RALGPS1: variants seen among roughly 807,000 people sequenced by gnomAD.
RALGPS1 encodes Ral GEF with PH domain and SH3 binding motif 1.
RALGPS1 carries 19 observed loss-of-function variants against 78.8 expected under a neutral mutation model. That is an observed-to-expected ratio of 0.24 (90% CI 0.17 to 0.35). The LOEUF (loss-of-function observed/expected upper bound fraction) is 0.35. Ranked by LOEUF, RALGPS1 falls within the 10% of genes least tolerant of loss-of-function variation. RALGPS1 has a pLI of 1.00. For synonymous variants in RALGPS1, 228 were observed against 256.3 expected, an observed-to-expected ratio of 0.89 and a Z score of 1.06; for missense variants, 454 against 688.3, an observed-to-expected ratio of 0.66 and a Z score of 3.81.
intron 3 of RALGPS1, among the ~76,000 whole-genome samples, chr9:126,974,727 G>A (rs548360270): frequency 6.6e-6 from 1 of 152,218 alleles, no homozygotes; most frequent in East Asian, 1.9e-4. Flanking sequence ...AGACTTACGA[G>A]TGTTCTCGCT....
At chr9:127,058,879 C>T (rs1368024002) in intron 7 of RALGPS1, among the ~76,000 whole-genome samples, 2 of 152,148 alleles carry the variant, frequency 1.3e-5, no homozygotes, top group Non-Finnish European at 2.9e-5. Context: ...CTGAATTGAT[C>T]CAAAGAGTTT....
chr9:127,173,283 G>A (rs770036466), intron 10 of RALGPS1, among the ~76,000 whole-genome samples: 13 of 152,112 alleles, frequency 8.5e-5, no homozygotes, highest in South Asian at 2.1e-4. Context: ...AGGAGCTGCC[G>A]TGCTCTCCAC....
At position 127,221,120 on chromosome 9, in the gene RALGPS1, ACACT is replaced by A. The variant is rs1259495954; in HGVS notation, c.*2354_*2357del. 6.6e-6 allele frequency: 1 copy of A among 152,256 alleles called. No individual in the cohort carries two copies. Among genetic ancestry groups the A allele is most frequent in the Non-Finnish European group, 1.5e-5 (1 of 68,052 alleles). 9.4% of individuals were successfully genotyped at this position (152,256 alleles called of 1,614,324 possible). A position where few individuals can be genotyped will look rare whatever the true frequency, so the allele number is the denominator to read the frequency against. On this transcript the variant is annotated 3_prime_UTR_variant, in exon 19 of 19. Coordinates refer to ENST00000259351, the MANE Select transcript of RALGPS1 (RefSeq NM_014636.3). The stretch of plus-strand genomic sequence containing the variant: ...AGAGTCCTGGAGCTAAAGCTGGAAG[ACACT>A]CAGCTCTCTAAGCAGGGGCTCGGCC...
chr9:127,176,344 A>C (rs2059872643), intron 11 of RALGPS1, among the ~76,000 whole-genome samples: 1 of 152,154 alleles, frequency 6.6e-6, no homozygotes, highest in Admixed American at 6.5e-5. Flanking sequence ...GCCATTCTAG[A>C]ACACCTTCCC....
intron 1 of RALGPS1, among the ~76,000 whole-genome samples, chr9:126,917,815 C>T (rs2034330420): frequency 6.6e-6 from 1 of 152,166 alleles, no homozygotes. Context: ...TTGAACAAAT[C>T]CCTTCCTGTC....
intron 1 of RALGPS1, among the ~76,000 whole-genome samples, chr9:126,960,461 T>C (rs1588659918): frequency 6.6e-6 from 1 of 151,940 alleles, no homozygotes; most frequent in Admixed American, 6.6e-5. Context: ...CTCGAACTCC[T>C]GACTTCAAGT....
In RALGPS1 at chr9:126,963,946, G is replaced by A. The variant is rs550245115; in HGVS notation, c.57+1600G>A. ...TCAGGATCTACATATGAGACTGGGA[G>A]ATGGAGTAGACTGCCGATTCCAGCA... On this transcript the variant is annotated intron_variant, in intron 2 of 18. Coordinates refer to ENST00000259351, the MANE Select transcript of RALGPS1 (RefSeq NM_014636.3). Among the ~76,000 whole-genome samples, 452 of 152,362 alleles carry A rather than the reference G, an allele frequency of 3.0e-3. 3 individuals are homozygous for A. The highest frequency in any genetic ancestry group is 0.01 in the African/African-American group (431 of 41,586).
At chr9:127,061,227 G>A (rs565974225) in intron 7 of RALGPS1, among the ~76,000 whole-genome samples, 1 of 152,210 alleles carries the variant, frequency 6.6e-6, no homozygotes, top group East Asian at 1.9e-4. Context: ...TTCAGCTGTG[G>A]CCAGCAGTGC....
At chr9:127,202,765 TG>T (rs2061704444) in intron 14 of RALGPS1, among the ~76,000 whole-genome samples, 1 of 151,974 alleles carries the variant, frequency 6.6e-6, no homozygotes, top group Non-Finnish European at 1.5e-5. Context: ...TGGGCAGGGG[TG>T]GGCCTGCTCT....
At position 126,921,872 on chromosome 9, in the gene RALGPS1, C is replaced by T. The variant is rs112327308; in HGVS notation, c.-66+6897C>T. ...GGGAGCTAGAATAGTGTCCTCTTTT[C>T]ACCCAGGGTAGTAAGATTTTTAGGA... On this transcript the variant is annotated intron_variant, in intron 1 of 18. Transcript: ENST00000259351. Among the ~76,000 whole-genome samples the T allele has an allele frequency of 2.6e-5, 4 of 152,354 alleles. 1 individual carries two copies. Among genetic ancestry groups the T allele is most frequent in the African/African-American group, 9.6e-5 (4 of 41,586 alleles).
intron 8 of RALGPS1, chr9:127,107,889 T>C (rs1589516110): frequency 6.6e-6 from 10 of 1,516,110 alleles, no homozygotes; most frequent in Middle Eastern, 2.0e-4. Context: ...GAGACCCACA[T>C]GTAACACGAT....
At chr9:127,125,634 C>A (rs1282326684) in intron 8 of RALGPS1, among the ~76,000 whole-genome samples, 1 of 152,148 alleles carries the variant, frequency 6.6e-6, no homozygotes, top group Non-Finnish European at 1.5e-5. Context: ...CCACTCCCAC[C>A]CTGATCCTCT....
intron 11 of RALGPS1, among the ~76,000 whole-genome samples, chr9:127,188,460 G>C (rs2060807680): frequency 6.6e-6 from 1 of 152,074 alleles, no homozygotes. Flanking sequence ...TGCCTCTCCA[G>C]TTCCATTACG....
At chr9:127,093,810 C>T (rs901028778) in intron 8 of RALGPS1, 10 of 1,614,062 alleles carry the variant, frequency 6.2e-6, no homozygotes, top group Non-Finnish European at 8.5e-6. Flanking sequence ...CCCCCGGGGT[C>T]GTGTCTCTGG....
intron 5 of RALGPS1, 87 bp downstream of exon 5, chr9:127,034,601 C>T (rs2046703541): frequency 8.6e-7 from 1 of 1,163,330 alleles, no homozygotes; most frequent in South Asian, 1.2e-5. Context: ...AAAGCTGTCT[C>T]CCAGGCTCCC....
At chr9:127,023,143 C>G (rs1329408563) in intron 4 of RALGPS1, among the ~76,000 whole-genome samples, 1 of 152,130 alleles carries the variant, frequency 6.6e-6, no homozygotes, top group Non-Finnish European at 1.5e-5. Context: ...CCATCATCGT[C>G]CAAGAAAGAA....
At chr9:127,069,574 A>G in intron 8 of RALGPS1, 1 of 479,880 alleles carries the variant, frequency 2.1e-6, no homozygotes, top group Non-Finnish European at 3.7e-6. Context: ...CTTTTTATAT[A>G]AAAGACCTGT....
chr9:127,016,445 G>T (rs1378956899), intron 4 of RALGPS1, among the ~76,000 whole-genome samples: 1 of 152,158 alleles, frequency 6.6e-6, no homozygotes, highest in Non-Finnish European at 1.5e-5. Context: ...AGTGGGATGG[G>T]CTGACTTTAA....
intron 4 of RALGPS1, among the ~76,000 whole-genome samples, chr9:126,982,829 C>T (rs201760290): frequency 6.9e-6 from 1 of 144,414 alleles, no homozygotes; most frequent in Non-Finnish European, 1.5e-5. Context: ...CTTCTTCTTC[C>T]TCTTCTTCTT....
Sources: allele counts gnomAD v4.1 joint callset (sites outside exome capture counted in the v4.1 genomes callset), GRCh38; gene constraint gnomAD v4.1.1; transcripts MANE v1.5; gene names NCBI Gene and HGNC (gene_info 2026-07-23, HGNC 2026-07-21).